Variants in FER observed in about 807,000 individuals in gnomAD.
FER encodes tyrosine-protein kinase Fer.
Under a neutral mutation model 111.0 loss-of-function variants are expected in FER, and 63 were observed. The ratio of observed to expected loss-of-function variants is 0.57; its 90% CI spans 0.46 to 0.70. The LOEUF is 0.70. FER is among the 30% of genes least tolerant of loss of function. The pLI, the probability that FER is intolerant of heterozygous loss-of-function variation, is 0.00. For synonymous variants in FER, 327 were observed against 313.9 expected, an observed-to-expected ratio of 1.04 and a Z score of -0.44; for missense variants, 914 against 954.0, an observed-to-expected ratio of 0.96 and a Z score of 0.55.
At position 109,047,145 on chromosome 5, in the gene FER, T is replaced by C. The variant is rs779927380; in HGVS notation, c.1871T>C (p.Ile624Thr). The change falls in exon 16 of 20, where the codon ATA (isoleucine) becomes ACA (threonine). Residue 624 changes from isoleucine (I) to threonine (T), a missense_variant. This residue lies in a region of FER where 774 missense variants were observed against 782.6 expected (regional missense o/e 0.99). Transcript: ENST00000281092. ...GATCATCCCAATATTGTCAAACTTATAGGAGTTTGCACACAAAGACAGCCT... is the reference window on the plus strand; with the variant it reads ...GATCATCCCAATATTGTCAAACTTACAGGAGTTTGCACACAAAGACAGCCT... ...QYDHPNIVKLIGVCTQRQPVY... is the reference protein window; with the variant it reads ...QYDHPNIVKLTGVCTQRQPVY... 4.4e-6 allele frequency: 7 copies of C among 1,608,820 alleles called. No individual in the cohort carries two copies. Among genetic ancestry groups the C allele is most frequent in the Middle Eastern group, 1.6e-4 (1 of 6,068 alleles).
At chr5:108,912,828 G>A (rs1302888466) in intron 10 of FER, among the ~76,000 whole-genome samples, 2 of 152,208 alleles carry the variant, frequency 1.3e-5, no homozygotes, top group Non-Finnish European at 2.9e-5. Flanking sequence ...ATGAACAAGT[G>A]TAGTTGGAGT....
At chr5:109,176,843 C>T (rs578007472) in intron 17 of FER, among the ~76,000 whole-genome samples, 2 of 152,278 alleles carry the variant, frequency 1.3e-5, no homozygotes, top group African/African-American at 4.8e-5. Flanking sequence ...CCAAGGAGTA[C>T]ACTTGGCCTG....
chr5:109,132,590 C>G (rs796848881), intron 17 of FER, among the ~76,000 whole-genome samples: 1 of 152,118 alleles, frequency 6.6e-6, no homozygotes, highest in Non-Finnish European at 1.5e-5. Flanking sequence ...GACAGGAGAC[C>G]ATCAGGCCAA....
rs145806071 is a variant in FER, at chr5:108,869,608, T to G, written c.665+1658T>G. Among the ~76,000 whole-genome samples the G allele has an allele frequency of 2.7e-3, 411 of 152,164 alleles. 2 individuals carry two copies. The highest frequency in any genetic ancestry group is 9.3e-3 in the African/African-American group (387 of 41,540). On this transcript the variant is annotated intron_variant, in intron 6 of 19. Transcript: ENST00000281092. ...GCCTTGTGAAGACAGAGGCAGAGAT[T>G]GACATCGTTTTCTTTGAAGGGCTCC...
chr5:108,821,339 A>G (rs1758822428), intron 3 of FER, among the ~76,000 whole-genome samples: 4 of 152,136 alleles, frequency 2.6e-5, no homozygotes, highest in Non-Finnish European at 4.4e-5. Flanking sequence ...GGGGAAAGAG[A>G]CTAGTCAATT....
intron 1 of FER, among the ~76,000 whole-genome samples, chr5:108,754,027 A>G (rs1750793549): frequency 6.6e-6 from 1 of 152,200 alleles, no homozygotes. Flanking sequence ...CTCCTATTCA[A>G]GAAAGCATAT....
intron 17 of FER, among the ~76,000 whole-genome samples, chr5:109,147,794 T>TAG (rs774570522): frequency 1.2e-3 from 156 of 133,410 alleles, no homozygotes; most frequent in African/African-American, 3.6e-3. Flanking sequence ...TATATATATA[T>TAG]ATATATAGAG....
intron 17 of FER, among the ~76,000 whole-genome samples, chr5:109,125,370 T>G (rs1751578239): frequency 2.0e-5 from 3 of 152,126 alleles, no homozygotes; most frequent in Admixed American, 1.3e-4. Context: ...ATTTAAATAT[T>G]TTATCTATTT....
chr5:109,090,133 G>A (rs979208459), intron 16 of FER, among the ~76,000 whole-genome samples: 31 of 152,128 alleles, frequency 2.0e-4, no homozygotes, highest in African/African-American at 7.5e-4. Context: ...GGATCACTGG[G>A]GGCACTGAGA....
intron 10 of FER, among the ~76,000 whole-genome samples, chr5:108,912,734 A>G (rs1200699193): frequency 4.6e-5 from 7 of 152,196 alleles, no homozygotes; most frequent in Non-Finnish European, 1.0e-4. Context: ...AAGAAGAGCA[A>G]AACAAGAAAG....
rs139678616 is a variant in FER, at chr5:108,975,931, T to C, written c.1656+16584T>C. Among the ~76,000 whole-genome samples, 1,303 of 152,054 alleles carry C rather than the reference T, an allele frequency of 8.6e-3. 14 individuals are homozygous for C. The highest frequency in any genetic ancestry group is 0.041 in the Middle Eastern group (12 of 294). On this transcript the variant is annotated intron_variant, in intron 13 of 19. Coordinates refer to ENST00000281092, the MANE Select transcript of FER (RefSeq NM_005246.4). ...ATAGGAAGCCAGGTTAAGGAGAAAATTGGGGGCATGCTAAGTTTTACATAT... is the reference window on the plus strand; with the variant it reads ...ATAGGAAGCCAGGTTAAGGAGAAAACTGGGGGCATGCTAAGTTTTACATAT...
At chr5:109,051,677 A>C in intron 16 of FER, 1 of 1,572,462 alleles carries the variant, frequency 6.4e-7, no homozygotes, top group African/African-American at 1.3e-5. Context: ...TATTTTTGAG[A>C]CCCACAGTCT....
At chr5:108,835,009 T>C (rs1188445386) in intron 4 of FER, among the ~76,000 whole-genome samples, 1 of 152,176 alleles carries the variant, frequency 6.6e-6, no homozygotes, top group Non-Finnish European at 1.5e-5. Context: ...ACATATTTTT[T>C]CCTTAAATTG....
intron 16 of FER, among the ~76,000 whole-genome samples, chr5:109,063,966 A>G (rs2149974190): frequency 6.6e-6 from 1 of 152,300 alleles, no homozygotes; most frequent in South Asian, 2.1e-4. Context: ...TGAAAGTCAA[A>G]ATATTATGCT....
intron 2 of FER, among the ~76,000 whole-genome samples, chr5:108,791,232 C>T (rs538684437): frequency 5.3e-5 from 8 of 152,226 alleles, no homozygotes; most frequent in East Asian, 3.9e-4. Context: ...AACTCTTTTC[C>T]GCAGTGGTTG....
rs34553897 is a variant in FER, at chr5:109,005,368, C to CGTGTGT, written c.1657-32039_1657-32034dup. The stretch of plus-strand genomic sequence containing the variant: ...GTTGGCAAATGGAAAAAAACTATCC[C>CGTGTGT]GTGTGTGTGTGTGTGTGTGTATTTC... On this transcript the variant is annotated intron_variant, in intron 13 of 19. Coordinates refer to ENST00000281092, the MANE Select transcript of FER (RefSeq NM_005246.4). Among the ~76,000 whole-genome samples, 60 of 149,714 alleles carry CGTGTGT rather than the reference C, an allele frequency of 4.0e-4. 1 individual carries two copies. The East Asian group carries it at 0.011, about 28-fold the overall frequency.
At chr5:108,889,586 A>C (rs908429371) in intron 9 of FER, among the ~76,000 whole-genome samples, 6 of 151,876 alleles carry the variant, frequency 4.0e-5, no homozygotes, top group African/African-American at 1.4e-4. Context: ...AATGAATGAG[A>C]CCTGATATTT....
intron 16 of FER, among the ~76,000 whole-genome samples, chr5:109,074,667 A>C (rs1776124141): frequency 6.6e-6 from 1 of 152,260 alleles, no homozygotes; most frequent in Non-Finnish European, 1.5e-5. Flanking sequence ...ACCTGATTTC[A>C]TAAAAGCATC....
At chr5:108,750,298 G>GT (rs1750327903) in intron 1 of FER, among the ~76,000 whole-genome samples, 1 of 152,006 alleles carries the variant, frequency 6.6e-6, no homozygotes, top group South Asian at 2.1e-4. Flanking sequence ...AAAATCTTTA[G>GT]TGCAGTATTT....
Sources: allele counts gnomAD v4.1 joint callset (sites outside exome capture counted in the v4.1 genomes callset), GRCh38; gene constraint gnomAD v4.1.1; regional missense constraint gnomAD v4.1.1; transcripts MANE v1.5; gene names NCBI Gene and HGNC (gene_info 2026-07-23, HGNC 2026-07-21).